KCND2: variants seen among roughly 807,000 people sequenced by gnomAD.
KCND2 encodes the protein A-type voltage-gated potassium channel KCND2.
In KCND2, 16 loss-of-function variants were observed where a neutral mutation model predicts 54.4. That is an observed-to-expected ratio of 0.29 (90% CI 0.20 to 0.45). KCND2 has a LOEUF of 0.45. Among genes scored for constraint, KCND2 ranks in the 20% least tolerant of loss-of-function variants. KCND2 has a pLI of 1.00. For synonymous variants in KCND2, 317 were observed against 310.7 expected (o/e 1.02, Z -0.21); for missense variants, 486 against 824.2 (o/e 0.59, Z 5.02).
chr7:120,532,923 A>G (rs561644236), intron 1 of KCND2, among the ~76,000 whole-genome samples: 8 of 152,196 alleles, frequency 5.3e-5, no homozygotes, highest in African/African-American at 1.7e-4. Flanking sequence ...GAATAAATGC[A>G]TATGTAAACA....
chr7:120,386,341 T>C (rs1412197722), intron 1 of KCND2, among the ~76,000 whole-genome samples: 1 of 152,174 alleles, frequency 6.6e-6, no homozygotes, highest in Non-Finnish European at 1.5e-5. Flanking sequence ...CCCAGGTTAA[T>C]CATTTATCTT....
intron 1 of KCND2, among the ~76,000 whole-genome samples, chr7:120,323,598 T>A (rs1799928059): frequency 6.7e-6 from 1 of 149,588 alleles, no homozygotes; most frequent in Non-Finnish European, 1.5e-5. Flanking sequence ...GATTTCCAAT[T>A]TCATCCATGT....
chr7:120,377,720 G>A (rs1213660988), intron 1 of KCND2, among the ~76,000 whole-genome samples: 2 of 151,846 alleles, frequency 1.3e-5, no homozygotes, highest in Admixed American at 6.6e-5. Context: ...CATTTTAAAT[G>A]GCAAATATTC....
intron 1 of KCND2, among the ~76,000 whole-genome samples, chr7:120,313,672 CTG>C (rs1410788133): frequency 4.0e-5 from 6 of 150,984 alleles, no homozygotes; most frequent in Non-Finnish European, 8.8e-5. Flanking sequence ...ACTTCTAGTT[CTG>C]TCTCTGCTGG....
intron 1 of KCND2, among the ~76,000 whole-genome samples, chr7:120,350,098 G>C (rs1319064440): frequency 6.6e-6 from 1 of 151,978 alleles, no homozygotes; most frequent in East Asian, 1.9e-4. Flanking sequence ...CACTTTGTGA[G>C]GTAAATGTAT....
At chr7:120,325,193 A>AT (rs1799957030) in intron 1 of KCND2, among the ~76,000 whole-genome samples, 1 of 102,566 alleles carries the variant, frequency 9.7e-6, no homozygotes, top group Non-Finnish European at 2.0e-5. Flanking sequence ...GCTTAAGGAG[A>AT]TTTTGGGCTA....
intron 1 of KCND2, among the ~76,000 whole-genome samples, chr7:120,612,986 A>G (rs570909363): frequency 1.1e-4 from 17 of 152,322 alleles, no homozygotes; most frequent in African/African-American, 4.1e-4. Context: ...TCATTATAGA[A>G]TAGTATGTGT....
intron 1 of KCND2, among the ~76,000 whole-genome samples, chr7:120,621,204 C>T (rs111594859): frequency 0.095 from 12,695 of 134,044 alleles, 625 homozygotes; most frequent in South Asian, 0.1. Context: ...ACCCAGGAGG[C>T]GGAGGTTGCA....
chr7:120,343,885 G>A (rs1800275905), intron 1 of KCND2, among the ~76,000 whole-genome samples: 1 of 152,024 alleles, frequency 6.6e-6, no homozygotes, highest in Non-Finnish European at 1.5e-5. Flanking sequence ...GAGCCTTTAT[G>A]CTTATTGCCA....
chr7:120,549,898 A>G (rs1359496353), intron 1 of KCND2, among the ~76,000 whole-genome samples: 2 of 152,144 alleles, frequency 1.3e-5, no homozygotes, highest in African/African-American at 4.8e-5. Flanking sequence ...TAGGTGCCAC[A>G]TCATTTGTTG....
intron 1 of KCND2, among the ~76,000 whole-genome samples, chr7:120,583,551 G>C (rs182826212): frequency 6.6e-6 from 1 of 152,128 alleles, no homozygotes; most frequent in African/African-American, 2.4e-5. Flanking sequence ...GTTGGTGCCT[G>C]TGAGGTCTCT....
At chr7:120,650,173 G>T (rs569751762) in intron 1 of KCND2, among the ~76,000 whole-genome samples, 4 of 145,750 alleles carry the variant, frequency 2.7e-5, no homozygotes, top group East Asian at 1.9e-4. Flanking sequence ...GCCTTGCTAG[G>T]TTGGGGAAGT....
chr7:120,732,987 A>G lies in KCND2; in HGVS notation c.1200A>G (p.Leu400=), dbSNP rs759052844. Residue 400 remains leucine (L), a synonymous_variant, in exon 2 of 6, where the codon CTA becomes CTG. Transcript: ENST00000331113. The stretch of plus-strand genomic sequence containing the variant: ...TGAGTGGGGTCTTGGTCATTGCTCT[A>G]CCTGTTCCGGTGATTGTATCCAACT... ...CSLSGVLVIA[L]PVPVIVSNFS... 1.1e-4 allele frequency: 185 copies of G among 1,613,638 alleles called. 1 individual carries two copies. The highest frequency in any genetic ancestry group is 8.2e-4 in the Middle Eastern group (5 of 6,062).
chr7:120,678,374 C>T (rs202223002), intron 1 of KCND2, among the ~76,000 whole-genome samples: 12,392 of 117,364 alleles, frequency 0.11, 750 homozygotes, highest in East Asian at 0.22. Context: ...TATATATATA[C>T]GCACACACAC....
At chr7:120,484,770 A>G (rs1329629635) in intron 1 of KCND2, among the ~76,000 whole-genome samples, 1 of 151,988 alleles carries the variant, frequency 6.6e-6, no homozygotes, top group Non-Finnish European at 1.5e-5. Flanking sequence ...ACGTAAATTG[A>G]GAGATTATCC....
At chr7:120,542,979 AT>A (rs1791997333) in intron 1 of KCND2, among the ~76,000 whole-genome samples, 1 of 152,044 alleles carries the variant, frequency 6.6e-6, no homozygotes, top group Non-Finnish European at 1.5e-5. Context: ...GTAATTTTGC[AT>A]CCAGAAAAAG....
chr7:120,741,695 T>G (rs929180490), intron 3 of KCND2, 66 bp downstream of exon 3: 87 of 1,069,932 alleles, frequency 8.1e-5, no homozygotes, highest in Non-Finnish European at 2.1e-5. Context: ...TTAGTTCTAC[T>G]TTCCTATAAT....
At chr7:120,594,906 G>C (rs1792715965) in intron 1 of KCND2, among the ~76,000 whole-genome samples, 2 of 151,856 alleles carry the variant, frequency 1.3e-5, no homozygotes, top group African/African-American at 4.8e-5. Context: ...TCTAATCCTA[G>C]CTACTCAGGA....
intron 1 of KCND2, among the ~76,000 whole-genome samples, chr7:120,415,716 G>T (rs1801515201): frequency 6.6e-6 from 1 of 152,088 alleles, no homozygotes; most frequent in Admixed American, 6.6e-5. Flanking sequence ...TGTCATTCAT[G>T]CCAGTGACCC....
Sources: gnomAD v4.1 joint callset for allele counts (sites outside exome capture counted in the v4.1 genomes callset) on GRCh38, gnomAD v4.1.1 for gene constraint, MANE v1.5 for transcripts, NCBI Gene and HGNC (gene_info 2026-07-23, HGNC 2026-07-21) for gene names.